Variants in TBC1D1 observed in about 807,000 individuals in gnomAD.
TBC1D1 encodes the protein TBC1 (tre-2/USP6, BUB2, cdc16) domain family, member 1.
A neutral mutation model predicts 125.6 loss-of-function variants in TBC1D1; 89 were observed. That is an observed-to-expected ratio of 0.71 (90% CI 0.60 to 0.85). The LOEUF is 0.85. Among genes scored for constraint, TBC1D1 ranks in the 40% least tolerant of loss-of-function variants. The pLI is 0.00. For synonymous variants in TBC1D1, 565 were observed against 564.1 expected, an observed-to-expected ratio of 1.00 and a Z score of -0.02; for missense variants, 1,377 against 1,469.2, an observed-to-expected ratio of 0.94 and a Z score of 1.03.
At chr4:37,979,922 G>A (rs1348240073) in intron 2 of TBC1D1, among the ~76,000 whole-genome samples, 1 of 152,136 alleles carries the variant, frequency 6.6e-6, no homozygotes, top group African/African-American at 2.4e-5. Context: ...TGGGATTACA[G>A]GCTTGCGCCA....
At chr4:38,015,753 A>C (rs1416024084) in intron 3 of TBC1D1, among the ~76,000 whole-genome samples, 2 of 152,158 alleles carry the variant, frequency 1.3e-5, no homozygotes, top group East Asian at 3.8e-4. Flanking sequence ...CTTAAATATA[A>C]AGTCTCCTTC....
rs778909691 is a variant in TBC1D1, at chr4:38,133,116, A to G, written c.3165A>G (p.Gln1055=). The change falls in exon 19 of 20, where the codon CAA becomes CAG. Residue 1055 remains glutamine, a synonymous_variant. Transcript: ENST00000261439. ...AAATGGACATCGCTAAACAGTTACA[A>G]GCTTATGAAGTTGAGTACCACGTCC... The G allele has an allele frequency of 1.9e-6, 3 of 1,614,148 alleles. No homozygotes were observed. Among genetic ancestry groups the G allele is most frequent in the Non-Finnish European group, 2.5e-6 (3 of 1,180,012 alleles).
At position 37,902,431 on chromosome 4, in the gene TBC1D1, T is replaced by C; in HGVS notation, c.336T>C (p.Ser112=). Residue 112 remains serine (S), a synonymous_variant, in exon 2 of 20, where the codon AGT becomes AGC. Coordinates refer to ENST00000261439, the MANE Select transcript of TBC1D1 (RefSeq NM_015173.4). ...TGATTCACAACAGTCATGACCCAAG[T>C]TACTTTGCTTGTCTGATTAAGGAAG... is the stretch of plus-strand genomic sequence containing the variant. The C allele has an allele frequency of 6.2e-7, 1 of 1,614,160 alleles. No individual in the cohort carries two copies. The highest frequency in any genetic ancestry group is 1.3e-5 in the African/African-American group (1 of 75,050).
At chr4:38,075,491 C>A (rs927759803) in intron 12 of TBC1D1, among the ~76,000 whole-genome samples, 2 of 152,180 alleles carry the variant, frequency 1.3e-5, no homozygotes, top group East Asian at 1.9e-4. Flanking sequence ...TATAACTCAG[C>A]GAACATTGTG....
intron 19 of TBC1D1, among the ~76,000 whole-genome samples, chr4:38,136,902 T>C (rs1175922632): frequency 2.0e-5 from 3 of 152,096 alleles, no homozygotes; most frequent in African/African-American, 7.2e-5. Flanking sequence ...ACAGCAGCCA[T>C]AGCAGGAGAA....
chr4:38,052,167 CTGTGTGTGTG>C (rs58659939), intron 11 of TBC1D1, 107 bp downstream of exon 12: 208,976 of 735,440 alleles, frequency 0.28, 24,989 homozygotes, highest in East Asian at 0.55. Context: ...AGCAGAGCCA[CTGTGTGTGTG>C]TGTGTGTGTG....
At chr4:37,921,109 C>CAAAAAAAAAA (rs1188232681) in intron 2 of TBC1D1, among the ~76,000 whole-genome samples, 1 of 71,988 alleles carries the variant, frequency 1.4e-5, no homozygotes, top group Non-Finnish European at 2.6e-5. Context: ...GACTCCGTCT[C>CAAAAAAAAAA]AAAAAAAAAA....
At chr4:38,042,171 A>C (rs1748521505) in intron 8 of TBC1D1, among the ~76,000 whole-genome samples, 1 of 152,038 alleles carries the variant, frequency 6.6e-6, no homozygotes, top group African/African-American at 2.4e-5. Context: ...GTGAGACTCC[A>C]TCCCAAAAAA....
chr4:38,022,467 G>A (rs929671381), intron 6 of TBC1D1, among the ~76,000 whole-genome samples: 3 of 152,204 alleles, frequency 2.0e-5, no homozygotes, highest in Non-Finnish European at 4.4e-5. Flanking sequence ...CACCCCAGGC[G>A]GTAAAGCCCT....
chr4:37,948,302 C>T (rs1457834837), intron 2 of TBC1D1, among the ~76,000 whole-genome samples: 1 of 152,138 alleles, frequency 6.6e-6, no homozygotes, highest in Non-Finnish European at 1.5e-5. Flanking sequence ...TGCCTTTTCT[C>T]ACTCAGTCAT....
At chr4:37,915,494 G>T (rs1489571315) in intron 2 of TBC1D1, among the ~76,000 whole-genome samples, 2 of 152,188 alleles carry the variant, frequency 1.3e-5, no homozygotes. Context: ...AAGCAATCAG[G>T]TAGAGAGCAA....
intron 2 of TBC1D1, among the ~76,000 whole-genome samples, chr4:37,984,311 TTA>T (rs1734986076): frequency 6.6e-6 from 1 of 152,174 alleles, no homozygotes; most frequent in South Asian, 2.1e-4. Flanking sequence ...TAATGTAAGA[TTA>T]TGTTTGTTTT....
At chr4:37,991,364 T>C (rs760999499) in intron 2 of TBC1D1, among the ~76,000 whole-genome samples, 5 of 152,198 alleles carry the variant, frequency 3.3e-5, no homozygotes, top group African/African-American at 4.8e-5. Flanking sequence ...TCCGCTGATC[T>C]GGGGGCTCTT....
intron 12 of TBC1D1, among the ~76,000 whole-genome samples, chr4:38,072,153 A>G (rs1379915737): frequency 6.6e-6 from 1 of 152,206 alleles, no homozygotes; most frequent in African/African-American, 2.4e-5. Flanking sequence ...CTGGGGCCTA[A>G]ATTAGGCACA....
At chr4:38,128,950 G>A (rs1031387221) in intron 18 of TBC1D1, among the ~76,000 whole-genome samples, 3 of 152,122 alleles carry the variant, frequency 2.0e-5, no homozygotes, top group Admixed American at 6.5e-5. Flanking sequence ...AAAGAGGAAG[G>A]GTGGCTGTGG....
intron 2 of TBC1D1, among the ~76,000 whole-genome samples, chr4:37,987,787 T>A (rs1390793008): frequency 2.0e-5 from 3 of 152,228 alleles, no homozygotes; most frequent in Non-Finnish European, 4.4e-5. Context: ...ATTTTCTCGT[T>A]GACTTGAGTT....
At chr4:38,020,764 C>T (rs972010358) in intron 5 of TBC1D1, 69 bp downstream of exon 5, 2 of 1,391,190 alleles carry the variant, frequency 1.4e-6, no homozygotes, top group Non-Finnish European at 2.0e-6. Flanking sequence ...ACTGATTTTT[C>T]TGTCCTTAGG....
intron 2 of TBC1D1, among the ~76,000 whole-genome samples, chr4:37,919,015 A>T (rs1164977239): frequency 6.6e-6 from 1 of 152,058 alleles, no homozygotes; most frequent in Non-Finnish European, 1.5e-5. Flanking sequence ...ATATAATACC[A>T]ACAACACAGA....
intron 12 of TBC1D1, among the ~76,000 whole-genome samples, chr4:38,072,572 C>T (rs1236663607): frequency 1.3e-5 from 2 of 152,126 alleles, no homozygotes; most frequent in African/African-American, 4.8e-5. Context: ...GCTGGAGAGT[C>T]AGTGTAGTGT....
Sources: gnomAD v4.1 joint callset for allele counts (sites outside exome capture counted in the v4.1 genomes callset) on GRCh38, gnomAD v4.1.1 for gene constraint, MANE v1.5 for transcripts, NCBI Gene and HGNC (gene_info 2026-07-23, HGNC 2026-07-21) for gene names.